The following HDHD2 variants were observed in gnomAD, a reference collection of about 807,000 sequenced individuals.
HDHD2 encodes the protein haloacid dehalogenase-like hydrolase domain-containing protein 2.
HDHD2 carries 26 observed loss-of-function variants against 24.8 expected under a neutral mutation model. That is an observed-to-expected ratio of 1.05 (90% CI 0.77 to 1.45). The LOEUF (loss-of-function observed/expected upper bound fraction) is 1.45, where lower values mean the gene tolerates loss of function less well. Among genes scored for constraint, HDHD2 ranks in the 40% most tolerant of loss-of-function variants. The pLI, the probability that HDHD2 is intolerant of heterozygous loss-of-function variation, is 0.00. For missense variants in HDHD2, 299 were observed against 313.4 expected (o/e 0.95, Z 0.35); for synonymous variants, 128 against 114.9 (o/e 1.11, Z -0.73).
At chr18:47,128,861 G>A (rs1378352893) in intron 4 of HDHD2, among the ~76,000 whole-genome samples, 1 of 152,194 alleles carries the variant, frequency 6.6e-6, no homozygotes, top group Non-Finnish European at 1.5e-5. Context: ...GTGCCCAAAT[G>A]TGTGAACCTG....
At chr18:47,137,185 G>A in intron 1 of HDHD2, 2 of 693,932 alleles carry the variant, frequency 2.9e-6, no homozygotes, top group Non-Finnish European at 5.4e-6. Context: ...TGTCAATGAG[G>A]CAGATGAGAT....
At chr18:47,114,738 G>C (rs1432862720) in intron 5 of HDHD2, among the ~76,000 whole-genome samples, 4 of 152,090 alleles carry the variant, frequency 2.6e-5, no homozygotes, top group Non-Finnish European at 5.9e-5. Flanking sequence ...AATAGTGGTA[G>C]AATTCTTTGG....
chr18:47,112,462 A>T (rs1282516892), intron 6 of HDHD2, among the ~76,000 whole-genome samples: 1 of 152,222 alleles, frequency 6.6e-6, no homozygotes, highest in Non-Finnish European at 1.5e-5. Context: ...CACATAGAGT[A>T]AACCTAATTG....
At chr18:47,120,722 G>T (rs1226015225) in intron 4 of HDHD2, among the ~76,000 whole-genome samples, 1 of 152,146 alleles carries the variant, frequency 6.6e-6, no homozygotes, top group Non-Finnish European at 1.5e-5. Flanking sequence ...TTTTAAGTAA[G>T]AGATGTATGA....
At chr18:47,148,832 T>G (rs983273840) in intron 1 of HDHD2, among the ~76,000 whole-genome samples, 1 of 152,230 alleles carries the variant, frequency 6.6e-6, no homozygotes, top group Non-Finnish European at 1.5e-5. Context: ...CATCTCCTAT[T>G]ACCAGCCCTA....
chr18:47,110,330 A>G, intron 6 of HDHD2: 2 of 984,918 alleles, frequency 2.0e-6, no homozygotes, highest in African/African-American at 3.5e-5. Context: ...CACTCTCGTT[A>G]GCACCCTGAA....
At chr18:47,129,117 C>G (rs2063687968) in intron 4 of HDHD2, among the ~76,000 whole-genome samples, 1 of 151,824 alleles carries the variant, frequency 6.6e-6, no homozygotes, top group Non-Finnish European at 1.5e-5. Flanking sequence ...GACATACATC[C>G]AAAGGTAAAT....
At chr18:47,142,505 G>A (rs1208685936) in intron 1 of HDHD2, among the ~76,000 whole-genome samples, 1 of 152,112 alleles carries the variant, frequency 6.6e-6, no homozygotes, top group East Asian at 1.9e-4. Flanking sequence ...TCCACTTACA[G>A]AGACATACAC....
Position 47,148,496 on chromosome 18 carries a change from G to A in HDHD2, c.-11+1882C>T, listed in dbSNP as rs188177852. Among the ~76,000 whole-genome samples the A allele has an allele frequency of 1.1e-3, 175 of 152,268 alleles. 1 individual carries two copies. Among genetic ancestry groups the A allele is most frequent in the African/African-American group, 3.9e-3 (164 of 41,552 alleles). On this transcript the variant is annotated intron_variant, in intron 1 of 6. Coordinates refer to ENST00000300605, the MANE Select transcript of HDHD2 (RefSeq NM_032124.5). Reference sequence around the variant, plus strand: ...GAAGAGCCATAAACCACTGACAGTGGTACATATTCAATGCAAAGAAGAAAA... The same window carrying A: ...GAAGAGCCATAAACCACTGACAGTGATACATATTCAATGCAAAGAAGAAAA...
At chr18:47,138,380 C>T (rs1011528260) in intron 1 of HDHD2, among the ~76,000 whole-genome samples, 8 of 151,878 alleles carry the variant, frequency 5.3e-5, no homozygotes, top group South Asian at 2.1e-4. Flanking sequence ...TCAGGCAATT[C>T]GAACTAAAGA....
rs892027981 is a variant in HDHD2 at position 47,115,488 on chromosome 18, G to A, written c.396-140C>T. The stretch of plus-strand genomic sequence containing the variant: ...TCTTATTAACTTTTAATGACTTGCT[G>A]TCTTCTAATGAATTCACAAAGAACT... On this transcript the variant is annotated intron_variant, in intron 4 of 6. Coordinates refer to ENST00000300605, the MANE Select transcript of HDHD2 (RefSeq NM_032124.5). 6.9e-6 allele frequency: 4 copies of A among 580,494 alleles called. No individual in the cohort carries two copies. In the South Asian group the frequency reaches 8.2e-5, roughly 12 times the overall value. 36.0% of individuals were successfully genotyped at this position (580,494 alleles called of 1,614,324 possible). A position where few individuals can be genotyped will look rare whatever the true frequency, so the allele number is the denominator to read the frequency against.
At chr18:47,148,855 C>A (rs1454268451) in intron 1 of HDHD2, among the ~76,000 whole-genome samples, 1 of 152,216 alleles carries the variant, frequency 6.6e-6, no homozygotes, top group African/African-American at 2.4e-5. Flanking sequence ...TTATTCCCTA[C>A]AATGCAACAG....
intron 4 of HDHD2, among the ~76,000 whole-genome samples, chr18:47,126,362 T>G (rs563402540): frequency 6.6e-6 from 1 of 152,228 alleles, no homozygotes; most frequent in South Asian, 2.1e-4. Context: ...TTCCCTTTAC[T>G]AAGGATTTAA....
At chr18:47,109,976 G>T in intron 6 of HDHD2, 1 of 985,312 alleles carries the variant, frequency 1.0e-6, no homozygotes, top group Non-Finnish European at 1.2e-6. Context: ...GAAGAAGAGA[G>T]GGGAGGGAGG....
In HDHD2 at chr18:47,136,374, A is replaced by C. The variant is rs2063766265; in HGVS notation, c.66T>G (p.Asp22Glu). Residue 22 changes from aspartate to glutamate, a missense_variant, in exon 2 of 7, where the codon GAT (aspartate) becomes GAG (glutamate). Physicochemically the swap from Asp to Glu is conservative, Grantham distance 45. Transcript: ENST00000300605. ...VDLSGTLHIEDAAVPGAQEAL... is the reference protein window; with the variant it reads ...VDLSGTLHIEEAAVPGAQEAL... ...CTTCCTGTGCGCCTGGCACAGCTGC[A>C]TCTTCAATGTGAAGTGTGCCACTGA... The C allele has an allele frequency of 6.2e-7, 1 of 1,613,308 alleles. No homozygotes were observed.
At chr18:47,112,805 C>T (rs1423427252) in intron 6 of HDHD2, among the ~76,000 whole-genome samples, 172 bp downstream of exon 6, 2 of 152,182 alleles carry the variant, frequency 1.3e-5, no homozygotes, top group African/African-American at 4.8e-5. Context: ...CTTTGTACAG[C>T]ACGGGCCCTT....
At chr18:47,118,305 G>A (rs1349286236) in intron 4 of HDHD2, among the ~76,000 whole-genome samples, 2 of 152,192 alleles carry the variant, frequency 1.3e-5, no homozygotes, top group Non-Finnish European at 2.9e-5. Context: ...GCATGCATAT[G>A]TTCACTGCAG....
chr18:47,116,124 C>G (rs1568044711), intron 4 of HDHD2, among the ~76,000 whole-genome samples: 1 of 152,162 alleles, frequency 6.6e-6, no homozygotes, highest in Non-Finnish European at 1.5e-5. Flanking sequence ...GTCAAAAAGT[C>G]CCCAGAAATT....
At chr18:47,144,262 A>G (rs998425749) in intron 1 of HDHD2, among the ~76,000 whole-genome samples, 1 of 152,176 alleles carries the variant, frequency 6.6e-6, no homozygotes, top group Non-Finnish European at 1.5e-5. Flanking sequence ...TCTTCAGGGA[A>G]TAAAAGATAA....
Sources: allele counts gnomAD v4.1 joint callset (sites outside exome capture counted in the v4.1 genomes callset), GRCh38; gene constraint gnomAD v4.1.1; transcripts MANE v1.5; gene names NCBI Gene and HGNC (gene_info 2026-07-23, HGNC 2026-07-21).